APTX: variants seen among roughly 807,000 people sequenced by gnomAD.
APTX encodes the protein aprataxin, also known as forkhead-associated domain histidine triad-like protein.
In APTX, 33 loss-of-function variants were observed where a neutral mutation model predicts 42.3. The ratio of observed to expected loss-of-function variants is 0.78; its 90% CI spans 0.59 to 1.04. The LOEUF is 1.04. Among genes scored for constraint, APTX ranks in the 50% least tolerant of loss-of-function variants. The pLI, the probability that APTX is intolerant of heterozygous loss-of-function variation, is 0.00. For synonymous variants in APTX, 130 were observed against 146.7 expected, an observed-to-expected ratio of 0.89 and a Z score of 0.82; for missense variants, 421 against 415.1, an observed-to-expected ratio of 1.01 and a Z score of -0.12.
At chr9:33,019,033 T>C (rs1838144678) in intron 1 of APTX, among the ~76,000 whole-genome samples, 1 of 152,040 alleles carries the variant, frequency 6.6e-6, no homozygotes, top group Admixed American at 6.6e-5. Flanking sequence ...AGGGAAAAAT[T>C]AAAGAAACCC....
chr9:32,988,984 A>G (rs1832885452), intron 2 of APTX, among the ~76,000 whole-genome samples: 1 of 152,192 alleles, frequency 6.6e-6, no homozygotes, highest in African/African-American at 2.4e-5. Context: ...GAGTTGAGAC[A>G]GGGAGGAAAG....
At position 32,984,815 on chromosome 9, in the gene APTX, G is replaced by A. The variant is rs539119129; in HGVS notation, c.586C>T (p.Pro196Ser). The change falls in exon 6 of 8, where the codon CCA becomes TCA. Residue 196 changes from proline to serine, a missense_variant. Physicochemically the swap from Pro to Ser is moderately conservative, Grantham distance 74. Coordinates refer to ENST00000379817, the MANE Select transcript of APTX (RefSeq NM_001195248.2). ...ACCAGCCAATGGTAACGGGCCTTTG[G>A]GTATTTATCCTTTATCACCACCACC... ...EQVVVIKDKY[P>S]KARYHWLVLP... is the part of the protein sequence containing the mutation. The A allele has an allele frequency of 6.2e-7, 1 of 1,614,128 alleles. No individual in the cohort carries two copies. The highest frequency in any genetic ancestry group is 1.3e-5 in the African/African-American group (1 of 75,018).
intron 6 of APTX, among the ~76,000 whole-genome samples, chr9:32,976,614 C>G (rs1339507152): frequency 6.6e-6 from 1 of 152,162 alleles, no homozygotes; most frequent in Non-Finnish European, 1.5e-5. Flanking sequence ...GTTACAATAA[C>G]TGCATTATAC....
intron 1 of APTX, among the ~76,000 whole-genome samples, chr9:32,998,185 A>C (rs1475087528): frequency 6.6e-6 from 1 of 152,252 alleles, no homozygotes; most frequent in African/African-American, 2.4e-5. Flanking sequence ...CCAGGAGGAT[A>C]GTCAGATGTG....
intron 1 of APTX, among the ~76,000 whole-genome samples, chr9:33,022,423 A>G (rs1477516657): frequency 2.0e-5 from 3 of 152,242 alleles, no homozygotes; most frequent in East Asian, 1.9e-4. Context: ...GGCAAGGCCC[A>G]CTCACACACT....
At position 32,989,902 on chromosome 9, in the gene APTX, GACAAA is replaced by G. The variant is rs781615473; in HGVS notation, c.-4-12_-4-8del. On this transcript the variant is annotated splice_polypyrimidine_tract_variant and splice_region_variant and intron_variant, in intron 1 of 7. Transcript: ENST00000379817. ...GCACACCCGCATCATCACTCTAAGG[GACAAA>G]ACAAAAGAATCACTAGAAAAACAGA... 8.9e-5 allele frequency: 144 copies of G among 1,613,144 alleles called. 4 individuals are homozygous for G. In the South Asian group the frequency reaches 1.5e-3, roughly 17 times the overall value.
chr9:32,995,298 C>T (rs1462431797), intron 1 of APTX, among the ~76,000 whole-genome samples: 2 of 152,144 alleles, frequency 1.3e-5, no homozygotes, highest in African/African-American at 2.4e-5. Flanking sequence ...TTAAGAACAT[C>T]TGTAATTTAT....
chr9:32,997,261 G>C (rs1460467056), intron 1 of APTX: 2 of 152,178 alleles, frequency 1.3e-5, no homozygotes, highest in African/African-American at 4.8e-5. Context: ...CCTGCTACTT[G>C]GGAGACTGAG....
At chr9:33,003,907 G>A (rs912920197), upstream of APTX, among the ~76,000 whole-genome samples, 10 of 152,082 alleles carry the variant, frequency 6.6e-5, no homozygotes, top group Non-Finnish European at 1.5e-4. Context: ...ATCCACCCGT[G>A]GATATTCCAC....
chr9:32,995,328 A>G (rs1416960264), intron 1 of APTX, among the ~76,000 whole-genome samples: 1 of 152,222 alleles, frequency 6.6e-6, no homozygotes, highest in East Asian at 1.9e-4. Flanking sequence ...TCAAAATATT[A>G]ACATAAACAG....
At chr9:32,989,703 T>C (rs1833089135) in intron 2 of APTX, 56 bp downstream of exon 2, 1 of 1,613,252 alleles carries the variant, frequency 6.2e-7, no homozygotes, top group Non-Finnish European at 8.5e-7. Flanking sequence ...TATGCATCTT[T>C]GGTTATCACT....
chr9:32,986,032 T>TAAAAAAAAACAAAAA lies in APTX; in HGVS notation c.484-3_484-2insTTTTTGTTTTTTTTT. 99 of 732,372 alleles carry TAAAAAAAAACAAAAA rather than the reference T, an allele frequency of 1.4e-4. 1 individual carries two copies. The highest frequency in any genetic ancestry group is 6.0e-4 in the East Asian group (15 of 24,910). The allele number at this position is 732,372 out of a possible 1,614,324, so 45.4% of individuals were successfully genotyped here. A position where few individuals can be genotyped will look rare whatever the true frequency, so the allele number is the denominator to read the frequency against. On this transcript the variant is annotated splice_polypyrimidine_tract_variant and splice_region_variant and intron_variant, in intron 4 of 7. Transcript: ENST00000379817. ...TTGACTCCAGTGGCCCAGGGATTCC[T>TAAAAAAAAACAAAAA]AAAAAAAAAACAAAAAAAAAAACAA...
intron 2 of APTX, 51 bp downstream of exon 2, chr9:32,989,708 A>G (rs1464951947): frequency 1.2e-6 from 2 of 1,613,478 alleles, no homozygotes; most frequent in African/African-American, 2.7e-5. Context: ...ATCTTTGGTT[A>G]TCACTATCCC....
intron 1 of APTX, among the ~76,000 whole-genome samples, chr9:33,022,761 A>G (rs1838490608): frequency 6.6e-6 from 1 of 152,230 alleles, no homozygotes; most frequent in African/African-American, 2.4e-5. Flanking sequence ...CCATTTCTGT[A>G]CAAACGAAGA....
At chr9:33,006,775 C>T (rs184197700) in intron 1 of APTX, among the ~76,000 whole-genome samples, 212 of 151,776 alleles carry the variant, frequency 1.4e-3, no homozygotes, top group Middle Eastern at 3.4e-3. Flanking sequence ...CCGAGGCAGG[C>T]GAATCACGAG....
At chr9:32,993,448 T>C (rs1302504301) in intron 1 of APTX, among the ~76,000 whole-genome samples, 4 of 152,232 alleles carry the variant, frequency 2.6e-5, no homozygotes, top group Non-Finnish European at 5.9e-5. Context: ...ATAGAGGTCA[T>C]GTCCATTTTC....
At chr9:33,011,402 C>A (rs1157982783) in intron 1 of APTX, among the ~76,000 whole-genome samples, 3 of 151,706 alleles carry the variant, frequency 2.0e-5, no homozygotes, top group Admixed American at 6.6e-5. Context: ...ATTCTCCTGC[C>A]TCAGCCTCCC....
chr9:32,986,983 T>C (rs1187988711), intron 4 of APTX, among the ~76,000 whole-genome samples: 14 of 151,932 alleles, frequency 9.2e-5, no homozygotes, highest in African/African-American at 3.4e-4. Flanking sequence ...CAGCTAATTT[T>C]TGTATTTTTA....
chr9:33,020,101 C>T, intron 1 of APTX: 1 of 381,680 alleles, frequency 2.6e-6, no homozygotes, highest in Non-Finnish European at 4.7e-6. Flanking sequence ...GCAGTTGGCG[C>T]CTCCGCCTGC....
Sources: gnomAD v4.1 joint callset for allele counts (sites outside exome capture counted in the v4.1 genomes callset) on GRCh38, gnomAD v4.1.1 for gene constraint, MANE v1.5 for transcripts, NCBI Gene and HGNC (gene_info 2026-07-23, HGNC 2026-07-21) for gene names.